The following GPHN variants were observed in gnomAD, a reference collection of about 807,000 sequenced individuals.
The protein encoded by GPHN is gephyrin.
GPHN carries 17 observed loss-of-function variants against 95.5 expected under a neutral mutation model. The ratio of observed to expected loss-of-function variants is 0.18; its 90% confidence interval spans 0.12 to 0.27. GPHN has a LOEUF of 0.27. Ranked by LOEUF, GPHN falls within the 10% of genes least tolerant of loss-of-function variation. The probability of loss-of-function intolerance (pLI) is 1.00; values close to 1 mark genes in which losing one functional copy is unlikely to be tolerated. For missense variants in GPHN, 660 were observed against 978.1 expected, an observed-to-expected ratio of 0.67 and a Z score of 4.34; for synonymous variants, 320 against 322.5, an observed-to-expected ratio of 0.99 and a Z score of 0.08.
the GPHN span, among the ~76,000 whole-genome samples, chr14:67,319,573 C>A: frequency 2.1e-5 from 3 of 145,616 alleles, no homozygotes; most frequent in Non-Finnish European, 4.5e-5. Flanking sequence ...TGGGGCCACA[C>A]GTAAAATACA....
chr14:67,619,130 T>C, the GPHN span, among the ~76,000 whole-genome samples: 3 of 152,168 alleles, frequency 2.0e-5, no homozygotes, highest in African/African-American at 2.4e-5. Context: ...TGGTATAGAA[T>C]TGGAGGGGTA....
intron 11 of GPHN, among the ~76,000 whole-genome samples, chr14:67,087,779 C>G (rs927028736): frequency 6.6e-6 from 1 of 152,076 alleles, no homozygotes. Context: ...TATCCAGCTC[C>G]GGAAACAATG....
Position 66,683,366 on chromosome 14 carries a change from A to ATG in GPHN, c.143+2182_143+2183insGT, listed in dbSNP as rs2067088568. Among the ~76,000 whole-genome samples, 4 of 12,512 alleles carry ATG rather than the reference A, an allele frequency of 3.2e-4. 2 individuals are homozygous for ATG. Among genetic ancestry groups the ATG allele is most frequent in the African/African-American group, 7.5e-4 (2 of 2,674 alleles). The allele number at this position is 12,512 out of a possible 152,430, so 8.2% of individuals were successfully genotyped here. On this transcript the variant is annotated intron_variant, in intron 2 of 22. Transcript: ENST00000478722. ...TATATATATATATATATATATATAT[A>ATG]TATATATATATATGTTCATATATAT...
the GPHN span, chr14:67,323,553 G>A: frequency 4.1e-6 from 1 of 243,070 alleles, no homozygotes; most frequent in East Asian, 8.4e-5. Context: ...GATTGAGGTT[G>A]CAGAGAGCTG....
the GPHN span, chr14:67,376,475 G>C: frequency 6.2e-7 from 1 of 1,613,924 alleles, no homozygotes; most frequent in East Asian, 2.2e-5. Context: ...TGAGGTGTTA[G>C]AATACACCAA....
the GPHN span, among the ~76,000 whole-genome samples, chr14:67,666,120 C>A: frequency 7.2e-5 from 11 of 152,216 alleles, no homozygotes; most frequent in Non-Finnish European, 1.6e-4. Flanking sequence ...CATGCTCACT[C>A]CTGATCCAAG....
chr14:67,476,876 AG>A, the GPHN span, among the ~76,000 whole-genome samples: 907 of 152,304 alleles, frequency 6.0e-3, 3 homozygotes, highest in African/African-American at 0.02. Flanking sequence ...CTGTAATCCC[AG>A]CACTTTGGGA....
the GPHN span, chr14:67,727,243 G>T: frequency 1.4e-6 from 2 of 1,431,564 alleles, no homozygotes; most frequent in Admixed American, 1.9e-5. Context: ...CAAATTAGAG[G>T]TCCACAGCAA....
intron 2 of GPHN, among the ~76,000 whole-genome samples, chr14:66,741,881 C>A (rs768966501): frequency 5.3e-5 from 8 of 152,080 alleles, no homozygotes; most frequent in African/African-American, 1.2e-4. Context: ...TGATAAAAAC[C>A]CGTTGTCTTT....
chr14:67,399,279 T>G, the GPHN span, among the ~76,000 whole-genome samples: 1 of 137,088 alleles, frequency 7.3e-6, no homozygotes, highest in African/African-American at 2.9e-5. Context: ...GTTTAGGTGG[T>G]TCTCAGGTGG....
intron 1 of GPHN, among the ~76,000 whole-genome samples, chr14:66,544,202 C>T (rs1308625114): frequency 6.6e-6 from 1 of 152,172 alleles, no homozygotes; most frequent in Admixed American, 6.5e-5. Flanking sequence ...ATTCTCTCTG[C>T]CTAGAATACT....
At chr14:67,522,705 G>T in the GPHN span, among the ~76,000 whole-genome samples, 2 of 152,300 alleles carry the variant, frequency 1.3e-5, no homozygotes, top group Non-Finnish European at 2.9e-5. Flanking sequence ...TCTTTTTGTA[G>T]ATCTGAGTCA....
chr14:67,533,022 G>T, the GPHN span, among the ~76,000 whole-genome samples: 952 of 152,172 alleles, frequency 6.3e-3, 11 homozygotes, highest in African/African-American at 0.021. Flanking sequence ...CCCCAGGGAC[G>T]AGCCCAGCGG....
chr14:67,143,158 T>C (rs2080592286), intron 17 of GPHN: 3 of 529,066 alleles, frequency 5.7e-6, no homozygotes, highest in Admixed American at 2.9e-5. Context: ...TAGCCACTAC[T>C]TCAGCATGTA....
downstream of GPHN, among the ~76,000 whole-genome samples, chr14:67,182,103 A>T (rs1230346531): frequency 6.6e-6 from 1 of 152,218 alleles, no homozygotes; most frequent in African/African-American, 2.4e-5. Flanking sequence ...TAGAAAAAAA[A>T]TAATTCTTAT....
intron 3 of GPHN, among the ~76,000 whole-genome samples, chr14:66,824,018 G>C (rs896151635): frequency 6.6e-6 from 1 of 152,104 alleles, no homozygotes; most frequent in Middle Eastern, 3.2e-3. Context: ...AACTAGGTGT[G>C]TAATTTTGTA....
chr14:67,471,458 A>T, the GPHN span: 1 of 152,200 alleles, frequency 6.6e-6, no homozygotes. Context: ...AAGCCAGACA[A>T]TATTCTCCTC....
chr14:67,057,346 A>G (rs1367400229), intron 10 of GPHN, among the ~76,000 whole-genome samples: 1 of 149,876 alleles, frequency 6.7e-6, no homozygotes, highest in Non-Finnish European at 1.5e-5. Context: ...AGGAACAGAA[A>G]ACCAAACACT....
At chr14:67,203,418 A>G in the GPHN span, 2 of 737,298 alleles carry the variant, frequency 2.7e-6, no homozygotes, top group East Asian at 5.6e-5. Flanking sequence ...CCCTGCTGCA[A>G]ATGACAAAGA....
Sources: gnomAD v4.1 joint callset for allele counts (sites outside exome capture counted in the v4.1 genomes callset) on GRCh38, gnomAD v4.1.1 for gene constraint, MANE v1.5 for transcripts, NCBI Gene and HGNC (gene_info 2026-07-23, HGNC 2026-07-21) for gene names.